The following SEMA4B variants were observed in gnomAD, a reference collection of about 807,000 sequenced individuals.
SEMA4B encodes semaphorin-4B.
Under a neutral mutation model 88.1 loss-of-function variants are expected in SEMA4B, and 55 were observed. The ratio of observed to expected loss-of-function variants is 0.62; its 90% CI spans 0.50 to 0.78. The LOEUF (loss-of-function observed/expected upper bound fraction) is 0.78, where lower values mean the gene tolerates loss of function less well. SEMA4B is among the 30% of genes least tolerant of loss of function. SEMA4B has a pLI of 0.00. For missense variants in SEMA4B, 1,062 were observed against 1,111.9 expected, an observed-to-expected ratio of 0.96 and a Z score of 0.64; for synonymous variants, 525 against 473.6, an observed-to-expected ratio of 1.11 and a Z score of -1.41.
intron 12 of SEMA4B, 64 bp from the exon 13 acceptor site, chr15:90,227,493 G>T: frequency 6.7e-7 from 1 of 1,497,528 alleles, no homozygotes; most frequent in Non-Finnish European, 9.2e-7. Context: ...TCTGCAGTGA[G>T]GGGTGAGGGA....
Position 90,228,393 on chromosome 15 carries a change from G to C in SEMA4B, c.2264G>C (p.Ser755Thr). 2 of 1,600,226 alleles carry C rather than the reference G, an allele frequency of 1.2e-6. No homozygotes were observed. Among genetic ancestry groups the C allele is most frequent in the Non-Finnish European group, 1.7e-6 (2 of 1,172,978 alleles). ...KVFLKQGECA[S>T]VHPKTCPVVL... ...TTCCTGAAGCAGGGGGAATGTGCCA[G>C]CGTGCACCCCAAGACCTGCCCTGTG... Residue 755 changes from serine (S) to threonine (T), a missense_variant, in exon 14 of 14, where the codon AGC (serine) becomes ACC (threonine). Coordinates refer to ENST00000411539, the MANE Select transcript of SEMA4B (RefSeq NM_198925.4).
chr15:90,195,487 A>G (rs570988087), intron 1 of SEMA4B, among the ~76,000 whole-genome samples: 36 of 152,280 alleles, frequency 2.4e-4, no homozygotes, highest in African/African-American at 7.7e-4. Flanking sequence ...TGAAGAGTCC[A>G]GGCTAGTTGT....
chr15:90,221,132 T>C (rs375703272), intron 5 of SEMA4B, 39 bp downstream of exon 5: 7 of 1,419,092 alleles, frequency 4.9e-6, no homozygotes, highest in African/African-American at 4.2e-5. Flanking sequence ...TGAGGTTCCA[T>C]GTAGGGGCAC....
intron 13 of SEMA4B, 105 bp from the exon 14 acceptor site, chr15:90,227,799 A>C (rs1962249482): frequency 5.2e-6 from 8 of 1,538,504 alleles, no homozygotes; most frequent in Non-Finnish European, 7.1e-6. Flanking sequence ...GGGTCCCCGG[A>C]GTTGCCCATC....
At chr15:90,214,671 A>G (rs1178106989) in intron 1 of SEMA4B, among the ~76,000 whole-genome samples, 1 of 148,482 alleles carries the variant, frequency 6.7e-6, no homozygotes, top group Non-Finnish European at 1.5e-5. Flanking sequence ...GCTTCCCCCA[A>G]ATGGCTGATA....
chr15:90,204,930 C>T (rs1040333389), intron 1 of SEMA4B, among the ~76,000 whole-genome samples: 10 of 152,158 alleles, frequency 6.6e-5, no homozygotes, highest in African/African-American at 2.4e-4. Flanking sequence ...TGCCCGCCAC[C>T]ATGCTTAGCT....
Position 90,192,052 on chromosome 15 carries a change from C to CTACA in SEMA4B, c.-122+6972_-122+6975dup, listed in dbSNP as rs1368748127. On this transcript the variant is annotated intron_variant, in intron 1 of 14. Transcript: ENST00000332496. ...GTTGGCATAAGAGGAGAGCTCAGGGCTACAAGGGGATGGTGGTGGGGGGCC... is the reference window on the plus strand; with the variant it reads ...GTTGGCATAAGAGGAGAGCTCAGGGCTACATACAAGGGGATGGTGGTGGGGGGCC... 26 of 152,982 alleles carry CTACA rather than the reference C, an allele frequency of 1.7e-4. No individual in the cohort carries two copies. In the Admixed American group the frequency reaches 1.7e-3, roughly 10 times the overall value. 9.5% of individuals were successfully genotyped at this position (152,982 alleles called of 1,614,324 possible).
At chr15:90,195,001 T>G (rs2151586544) in intron 1 of SEMA4B, among the ~76,000 whole-genome samples, 1 of 151,802 alleles carries the variant, frequency 6.6e-6, no homozygotes, top group African/African-American at 2.4e-5. Context: ...CATAATATCA[T>G]CTAATACACA....
At chr15:90,211,917 G>A (rs372654995) in intron 1 of SEMA4B, among the ~76,000 whole-genome samples, 68 of 152,250 alleles carry the variant, frequency 4.5e-4, no homozygotes, top group African/African-American at 1.2e-3. Context: ...TCTTGCTGCC[G>A]TGCCCGGAGC....
intron 1 of SEMA4B, among the ~76,000 whole-genome samples, chr15:90,188,299 G>A (rs1940745493): frequency 1.3e-5 from 2 of 152,044 alleles, no homozygotes; most frequent in South Asian, 4.2e-4. Context: ...ATTCCAGCTT[G>A]GGTGGCACAG....
chr15:90,225,886 C>T, intron 12 of SEMA4B, 59 bp downstream of exon 12: 1 of 1,384,898 alleles, frequency 7.2e-7, no homozygotes, highest in South Asian at 1.6e-5. Flanking sequence ...GACCTCGGAG[C>T]ACCATCCTGG....
intron 7 of SEMA4B, among the ~76,000 whole-genome samples, 187 bp from the exon 8 acceptor site, chr15:90,223,372 A>G (rs1375124367): frequency 3.3e-5 from 5 of 152,132 alleles, no homozygotes; most frequent in Admixed American, 1.3e-4. Flanking sequence ...GCTTAGTTAC[A>G]GTAAGGACCA....
At chr15:90,208,773 G>T (rs1402749713) in intron 1 of SEMA4B, among the ~76,000 whole-genome samples, 3 of 150,598 alleles carry the variant, frequency 2.0e-5, no homozygotes, top group Non-Finnish European at 3.0e-5. Flanking sequence ...TTGAGATGGG[G>T]TCTCACTCTG....
chr15:90,188,487 G>A (rs1960240226), intron 1 of SEMA4B, among the ~76,000 whole-genome samples: 2 of 151,884 alleles, frequency 1.3e-5, no homozygotes, highest in African/African-American at 4.8e-5. Flanking sequence ...AATTAGCCAG[G>A]CATGGTGGCG....
chr15:90,217,864 G>T (rs1961614104), intron 3 of SEMA4B, 35 bp downstream of exon 3: 1 of 1,575,948 alleles, frequency 6.3e-7, no homozygotes, highest in African/African-American at 1.3e-5. Context: ...TGAGCTGCAG[G>T]AGGGATGGAG....
intron 7 of SEMA4B, among the ~76,000 whole-genome samples, chr15:90,222,209 G>A (rs1203506700): frequency 6.7e-6 from 1 of 148,966 alleles, no homozygotes; most frequent in Non-Finnish European, 1.5e-5. Context: ...CAAAGTGCTG[G>A]GATTACAGGC....
chr15:90,224,100 C>A, intron 9 of SEMA4B, 112 bp downstream of exon 9: 1 of 1,018,796 alleles, frequency 9.8e-7, no homozygotes, highest in Non-Finnish European at 1.4e-6. Context: ...TTCTCTGAAT[C>A]TCTTTTCTCA....
intron 1 of SEMA4B, among the ~76,000 whole-genome samples, chr15:90,210,942 A>G (rs144435379): frequency 2.6e-5 from 4 of 152,302 alleles, no homozygotes; most frequent in Admixed American, 6.5e-5. Flanking sequence ...AGTTTCTAGA[A>G]TGGACATTGG....
At position 90,223,867 on chromosome 15, in the gene SEMA4B, T is replaced by G; in HGVS notation, c.1073T>G (p.Val358Gly). 1 of 1,613,930 alleles carries G rather than the reference T, an allele frequency of 6.2e-7. No individual in the cohort carries two copies. Among genetic ancestry groups the G allele is most frequent in the Non-Finnish European group, 8.5e-7 (1 of 1,179,870 alleles). ...AGGGGAACTACAGAAGGCTCTGCCG[T>G]CTGTGTCTTCACAATGAAGGATGTG... ...WHRGTTEGSA[V>G]CVFTMKDVQR... The change falls in exon 9 of 14, where the codon GTC becomes GGC. Residue 358 changes from valine (V) to glycine (G), a missense_variant. Physicochemically the swap from Val to Gly is moderately radical, Grantham distance 109. Coordinates refer to ENST00000411539, the MANE Select transcript of SEMA4B (RefSeq NM_198925.4).
Sources: allele counts gnomAD v4.1 joint callset (sites outside exome capture counted in the v4.1 genomes callset), GRCh38; gene constraint gnomAD v4.1.1; transcripts MANE v1.5; gene names NCBI Gene and HGNC (gene_info 2026-07-23, HGNC 2026-07-21).